SOX5: variants seen among roughly 807,000 people sequenced by gnomAD.
The protein encoded by SOX5 is SRY-box transcription factor 5, also known as transcription factor SOX-5.
In SOX5, 9 loss-of-function variants were observed where a neutral mutation model predicts 92.0. The observed-to-expected ratio is 0.10, with a 90% CI of 0.06 to 0.17. The LOEUF is 0.17. Ranked by LOEUF, SOX5 falls within the 10% of genes least tolerant of loss-of-function variation. The probability of loss-of-function intolerance (pLI) is 1.00; values close to 1 mark genes in which losing one functional copy is unlikely to be tolerated. For missense variants in SOX5, 642 were observed against 944.5 expected, an observed-to-expected ratio of 0.68 and a Z score of 4.20; for synonymous variants, 344 against 336.3, an observed-to-expected ratio of 1.02 and a Z score of -0.25.
At chr12:23,941,371 T>C (rs1943602601) in intron 1 of SOX5, among the ~76,000 whole-genome samples, 1 of 151,634 alleles carries the variant, frequency 6.6e-6, no homozygotes, top group South Asian at 2.1e-4. Context: ...CACTAAGTGT[T>C]CTTAAACTGT....
chr12:24,149,142 G>A (rs567584530), intron 4 of SOX5, among the ~76,000 whole-genome samples: 8 of 152,154 alleles, frequency 5.3e-5, no homozygotes, highest in African/African-American at 1.9e-4. Context: ...GAAGAAAACA[G>A]AAGAAAATCT....
At chr12:24,145,954 C>A (rs1454978327) in intron 4 of SOX5, among the ~76,000 whole-genome samples, 1 of 152,118 alleles carries the variant, frequency 6.6e-6, no homozygotes, top group Admixed American at 6.6e-5. Context: ...GCTTAAACAT[C>A]TATGAATGAG....
intron 4 of SOX5, among the ~76,000 whole-genome samples, chr12:24,138,096 T>C (rs1950264516): frequency 6.6e-6 from 1 of 152,232 alleles, no homozygotes. Flanking sequence ...AGGCCACAAA[T>C]AGGTCGAGCT....
intron 1 of SOX5, among the ~76,000 whole-genome samples, chr12:24,485,098 G>A (rs1392980570): frequency 6.6e-6 from 1 of 152,160 alleles, no homozygotes; most frequent in Non-Finnish European, 1.5e-5. Context: ...GCACAGAAAA[G>A]TGGAGATGGG....
intron 1 of SOX5, among the ~76,000 whole-genome samples, chr12:24,546,817 G>A (rs1952664477): frequency 6.6e-6 from 1 of 152,194 alleles, no homozygotes; most frequent in Non-Finnish European, 1.5e-5. Context: ...CAGTAGGGTT[G>A]ACTTCCCCCA....
At chr12:24,172,069 CTGTGTGTGCGTGTGTG>C (rs1954250473) in intron 4 of SOX5, among the ~76,000 whole-genome samples, 2 of 143,740 alleles carry the variant, frequency 1.4e-5, no homozygotes, top group African/African-American at 5.0e-5. Context: ...GGCTGGAGAA[CTGTGTGTGCGTGTGTG>C]TGTGTGTGCG....
chr12:24,327,565 G>A (rs934731180), intron 2 of SOX5, among the ~76,000 whole-genome samples: 10 of 151,476 alleles, frequency 6.6e-5, no homozygotes, highest in South Asian at 2.1e-4. Flanking sequence ...ACAGGCATGT[G>A]CCACCATGCC....
intron 6 of SOX5, among the ~76,000 whole-genome samples, chr12:23,731,981 A>T (rs988383528): frequency 6.6e-6 from 1 of 152,160 alleles, no homozygotes; most frequent in African/African-American, 2.4e-5. Flanking sequence ...AAAAAGAAAA[A>T]AGTAGATGGA....
chr12:24,055,120 T>G lies in SOX5; in HGVS notation c.-2+158223A>C, dbSNP rs1201930323. On this transcript the variant is annotated intron_variant, in intron 4 of 4. Transcript: ENST00000446891. Reference sequence around the variant, plus strand: ...TAAAATGGTTCTGGACATCTTAACATAAAAATGTACTCTTTTAGTTTGGGA... The same window carrying G: ...TAAAATGGTTCTGGACATCTTAACAGAAAAATGTACTCTTTTAGTTTGGGA... Among the ~76,000 whole-genome samples, 3 of 152,134 alleles carry G rather than the reference T, an allele frequency of 2.0e-5. No individual in the cohort carries two copies. In the East Asian group the frequency reaches 5.8e-4, roughly 29 times the overall value.
intron 4 of SOX5, among the ~76,000 whole-genome samples, chr12:24,048,994 AG>A (rs1227853787): frequency 6.6e-6 from 1 of 152,206 alleles, no homozygotes; most frequent in African/African-American, 2.4e-5. Flanking sequence ...TGAATTCTTC[AG>A]TTTATATTTT....
At chr12:24,257,206 G>C (rs975320558) in intron 3 of SOX5, among the ~76,000 whole-genome samples, 1 of 152,112 alleles carries the variant, frequency 6.6e-6, no homozygotes, top group Admixed American at 6.6e-5. Context: ...AAGGCCTTAG[G>C]AAAAACATAA....
intron 3 of SOX5, among the ~76,000 whole-genome samples, chr12:23,821,339 T>C (rs1012523675): frequency 4.6e-5 from 7 of 152,104 alleles, no homozygotes; most frequent in Non-Finnish European, 7.4e-5. Flanking sequence ...GATGATGGGG[T>C]TTTCTAAATA....
intron 4 of SOX5, among the ~76,000 whole-genome samples, chr12:23,980,625 T>G (rs1364883063): frequency 6.6e-6 from 1 of 152,188 alleles, no homozygotes; most frequent in South Asian, 2.1e-4. Flanking sequence ...ACATTTCTGG[T>G]ATATTCCCAT....
At chr12:24,306,287 C>A (rs754210529) in intron 2 of SOX5, among the ~76,000 whole-genome samples, 4 of 152,180 alleles carry the variant, frequency 2.6e-5, no homozygotes. Flanking sequence ...GAAGACGAGA[C>A]CTGGCACAGC....
chr12:24,552,904 T>C (rs1297306199), intron 1 of SOX5, among the ~76,000 whole-genome samples: 3 of 151,922 alleles, frequency 2.0e-5, no homozygotes, highest in African/African-American at 7.3e-5. Context: ...TGCTGGCGCA[T>C]GCCTGTGGTC....
At chr12:23,795,574 CGTAT>C (rs2095548336) in intron 3 of SOX5, among the ~76,000 whole-genome samples, 1 of 151,908 alleles carries the variant, frequency 6.6e-6, no homozygotes, top group Non-Finnish European at 1.5e-5. Flanking sequence ...GGGATAAGCA[CGTAT>C]GTGAGTGTGT....
intron 3 of SOX5, among the ~76,000 whole-genome samples, chr12:23,818,972 G>A (rs989077800): frequency 2.0e-5 from 3 of 151,974 alleles, no homozygotes; most frequent in African/African-American, 4.8e-5. Context: ...GCCTTCTTCT[G>A]GAATACTTCT....
rs1239855877 is a variant in SOX5, at chr12:23,934,656, A to G, written c.38+14908T>C. Reference sequence around the variant, plus strand: ...TATTTATACATCCATAGGTAGTTCAATGTTACCTACCATATTATATGGAGT... The same window carrying G: ...TATTTATACATCCATAGGTAGTTCAGTGTTACCTACCATATTATATGGAGT... On this transcript the variant is annotated intron_variant, in intron 1 of 14. Coordinates refer to ENST00000451604, the MANE Select transcript of SOX5 (RefSeq NM_006940.6). 2.6e-5 allele frequency among the ~76,000 whole-genome samples: 4 copies of G among 151,256 alleles called. 1 individual carries two copies. Among genetic ancestry groups the G allele is most frequent in the East Asian group, 3.9e-4 (2 of 5,126 alleles).
intron 1 of SOX5, among the ~76,000 whole-genome samples, chr12:24,555,908 A>G (rs1953730111): frequency 6.6e-6 from 1 of 152,136 alleles, no homozygotes. Flanking sequence ...TGCTTCCCCT[A>G]TGGCTCTAGC....
Sources: gnomAD v4.1 joint callset for allele counts (sites outside exome capture counted in the v4.1 genomes callset) on GRCh38, gnomAD v4.1.1 for gene constraint, MANE v1.5 for transcripts, NCBI Gene and HGNC (gene_info 2026-07-23, HGNC 2026-07-21) for gene names.